The following ANKRD36 variants were observed in gnomAD, a reference collection of about 807,000 sequenced individuals.
The protein encoded by ANKRD36 is ankyrin repeat domain-containing protein 36A.
Under a neutral mutation model 278.1 loss-of-function variants are expected in ANKRD36, and 179 were observed. The observed-to-expected ratio is 0.64, with a 90% CI of 0.57 to 0.73. The LOEUF (loss-of-function observed/expected upper bound fraction) is 0.73, where lower values mean the gene tolerates loss of function less well. Ranked by LOEUF, ANKRD36 falls within the 30% of genes least tolerant of loss-of-function variation. The pLI is 0.00. For missense variants in ANKRD36, 1,159 were observed against 1,956.7 expected, an observed-to-expected ratio of 0.59 and a Z score of 7.69; for synonymous variants, 320 against 641.1, an observed-to-expected ratio of 0.50 and a Z score of 7.57.
Position 97,144,676 on chromosome 2 carries a change from G to A in ANKRD36, c.967G>A (p.Ala323Thr), listed in dbSNP as rs1209550972. The A allele has an allele frequency of 6.5e-7, 1 of 1,543,824 alleles. No homozygotes were observed. Among genetic ancestry groups the A allele is most frequent in the Non-Finnish European group, 8.7e-7 (1 of 1,146,534 alleles). ...SDKDDSVSNT[A>T]TEIKDEQKSG... Reference sequence around the variant, plus strand: ...CAAGGATGATTCTGTTTCGAACACAGCCACAGAAATAAAAGATGAACAAAA... The same window carrying A: ...CAAGGATGATTCTGTTTCGAACACAACCACAGAAATAAAAGATGAACAAAA... The change falls in exon 10 of 76, where the codon GCC (alanine) becomes ACC (threonine). Residue 323 changes from alanine to threonine, a missense_variant. Transcript: ENST00000420699.
At chr2:97,128,284 C>T (rs2039147516) in intron 6 of ANKRD36, among the ~76,000 whole-genome samples, 1 of 151,722 alleles carries the variant, frequency 6.6e-6, no homozygotes, top group Non-Finnish European at 1.5e-5. Flanking sequence ...TGTGACAAAA[C>T]CCTGGGAATG....
chr2:97,160,426 C>A (rs1476569082), intron 17 of ANKRD36, among the ~76,000 whole-genome samples: 2 of 152,070 alleles, frequency 1.3e-5, no homozygotes, highest in Non-Finnish European at 2.9e-5. Flanking sequence ...GCATTATTAA[C>A]TTTAGTATTT....
At chr2:97,187,896 A>G (rs62154804) in intron 32 of ANKRD36, among the ~76,000 whole-genome samples, 1 of 151,572 alleles carries the variant, frequency 6.6e-6, no homozygotes, top group East Asian at 2.0e-4. Context: ...AAGGAGGGAA[A>G]AGAAGTTATT....
intron 56 of ANKRD36, among the ~76,000 whole-genome samples, chr2:97,211,184 G>A (rs1451494895): frequency 2.6e-5 from 4 of 151,860 alleles, no homozygotes; most frequent in African/African-American, 9.7e-5. Flanking sequence ...AAGACATGTG[G>A]GATCCTGTAG....
At position 97,204,089 on chromosome 2, in the gene ANKRD36, G is replaced by A. The variant is rs1381744956; in HGVS notation, c.2981G>A (p.Gly994Asp). 3 of 1,575,466 alleles carry A rather than the reference G, an allele frequency of 1.9e-6. No individual in the cohort carries two copies. The highest frequency in any genetic ancestry group is 1.9e-5 in the Admixed American group (1 of 53,960). ...SRTVSSEKPP[G>D]LKATSDEKDS... ...TCAGTGTCTTCTGAGAAACCACCAGGCTTGAAGGTAATGAAACTGTCGTTT... is the reference window on the plus strand; with the variant it reads ...TCAGTGTCTTCTGAGAAACCACCAGACTTGAAGGTAATGAAACTGTCGTTT... The change falls in exon 49 of 76, where the codon GGC becomes GAC. Residue 994 changes from glycine to aspartate, a missense_variant. Gly to Asp is a moderately conservative substitution (Grantham distance 94). Coordinates refer to ENST00000420699, the MANE Select transcript of ANKRD36 (RefSeq NM_001354587.1).
At chr2:97,157,273 G>A (rs1214100375) in intron 15 of ANKRD36, among the ~76,000 whole-genome samples, 3 of 147,156 alleles carry the variant, frequency 2.0e-5, no homozygotes, top group African/African-American at 5.0e-5. Flanking sequence ...ACAAATTGTC[G>A]AATAAATGCT....
rs1212743671 is a variant in ANKRD36 at position 97,219,010 on chromosome 2, A to G, written c.3776-40A>G. On this transcript the variant is annotated intron_variant, in intron 64 of 75. Transcript: ENST00000420699. ...ACGAATGTATGGTTGGCCTTACCAT[A>G]TTTACATATGATTGATTATATATTT... is the stretch of plus-strand genomic sequence containing the variant. 4 of 1,536,700 alleles carry G rather than the reference A, an allele frequency of 2.6e-6. No homozygotes were observed. In the African/African-American group the frequency reaches 5.5e-5, roughly 21 times the overall value.
At chr2:97,204,897 A>G (rs1322691660) in intron 50 of ANKRD36, among the ~76,000 whole-genome samples, 1 of 151,480 alleles carries the variant, frequency 6.6e-6, no homozygotes. Context: ...TTGGCATAAA[A>G]ACACAATAAC....
chr2:97,136,804 A>G (rs901389432), intron 6 of ANKRD36, among the ~76,000 whole-genome samples: 3 of 152,032 alleles, frequency 2.0e-5, no homozygotes, highest in Admixed American at 6.6e-5. Flanking sequence ...ATGTTCTTTG[A>G]CAATGCCTGC....
At chr2:97,192,546 C>T (rs531187240) in intron 36 of ANKRD36, among the ~76,000 whole-genome samples, 11 of 151,792 alleles carry the variant, frequency 7.2e-5, no homozygotes, top group African/African-American at 2.7e-4. Flanking sequence ...TGAGTTTCTC[C>T]TCTGATTTTA....
chr2:97,150,300 G>A (rs1439127616), intron 12 of ANKRD36, among the ~76,000 whole-genome samples: 1 of 148,052 alleles, frequency 6.8e-6, no homozygotes, highest in Admixed American at 6.8e-5. Flanking sequence ...TCTTTGTATG[G>A]CATTCTAAAT....
At chr2:97,127,230 A>G in intron 6 of ANKRD36, 96 bp downstream of exon 6, 2 of 559,874 alleles carry the variant, frequency 3.6e-6, no homozygotes, top group Non-Finnish European at 2.8e-6. Context: ...TAAAAAAATC[A>G]CTGTTTAAAT....
chr2:97,183,414 G>A, intron 26 of ANKRD36, 45 bp from the exon 27 acceptor site: 2 of 1,519,134 alleles, frequency 1.3e-6, no homozygotes, highest in Non-Finnish European at 1.8e-6. Context: ...GGATGACTTT[G>A]TCATATTTAC....
intron 6 of ANKRD36, among the ~76,000 whole-genome samples, chr2:97,136,778 C>G (rs2041618174): frequency 2.0e-5 from 3 of 151,948 alleles, no homozygotes; most frequent in African/African-American, 7.2e-5. Flanking sequence ...GCACCTGGTT[C>G]ATTTGTCCAG....
chr2:97,227,522 TG>T (rs1307557066), intron 67 of ANKRD36, among the ~76,000 whole-genome samples: 4 of 152,238 alleles, frequency 2.6e-5, no homozygotes, highest in African/African-American at 9.6e-5. Context: ...AAGGAGATTT[TG>T]GGCTGAGACA....
At chr2:97,143,249 T>A (rs771386656) in intron 8 of ANKRD36, among the ~76,000 whole-genome samples, 13 of 151,792 alleles carry the variant, frequency 8.6e-5, no homozygotes, top group Non-Finnish European at 1.3e-4. Flanking sequence ...GAAAGAGAAC[T>A]AAGGAGACCT....
chr2:97,212,191 C>T (rs1263394118), intron 58 of ANKRD36, among the ~76,000 whole-genome samples: 4 of 151,882 alleles, frequency 2.6e-5, no homozygotes, highest in Admixed American at 6.6e-5. Flanking sequence ...TTATTTTCCT[C>T]AAGGAATAGG....
chr2:97,262,482 C>T (rs1340033123), intron 75 of ANKRD36, among the ~76,000 whole-genome samples: 1 of 116,774 alleles, frequency 8.6e-6, no homozygotes, highest in African/African-American at 4.1e-5. Context: ...AAAGCCTGAT[C>T]CAGAAAGCCC....
chr2:97,124,576 C>T lies in ANKRD36; in HGVS notation c.710C>T (p.Ala237Val). 1.3e-6 allele frequency: 2 copies of T among 1,552,142 alleles called. No individual in the cohort carries two copies. The highest frequency in any genetic ancestry group is 8.7e-7 in the Non-Finnish European group (1 of 1,146,936). Residue 237 changes from alanine to valine, a missense_variant, in exon 5 of 76, where the codon GCC becomes GTC. Ala to Val is a moderately conservative substitution (Grantham distance 64). Coordinates refer to ENST00000420699, the MANE Select transcript of ANKRD36 (RefSeq NM_001354587.1). Reference sequence around the variant, plus strand: ...TTTCGAAAGATTGCAGGAGATTATGCCATTGAGGCTAAGAATAGAGTGTAA... The same window carrying T: ...TTTCGAAAGATTGCAGGAGATTATGTCATTGAGGCTAAGAATAGAGTGTAA... ...DAFRKIAGDY[A>V]IEAKNRVIFD...
Sources: gnomAD v4.1 joint callset for allele counts (sites outside exome capture counted in the v4.1 genomes callset) on GRCh38, gnomAD v4.1.1 for gene constraint, MANE v1.5 for transcripts, NCBI Gene and HGNC (gene_info 2026-07-23, HGNC 2026-07-21) for gene names.